Variants in IGFBP7 observed in about 807,000 individuals in gnomAD.
The protein encoded by IGFBP7 is insulin-like growth factor-binding protein 7.
IGFBP7 carries 31 observed loss-of-function variants against 29.4 expected under a neutral mutation model. The ratio of observed to expected loss-of-function variants is 1.05; its 90% confidence interval spans 0.79 to 1.42. The LOEUF is 1.42. IGFBP7 is among the 40% of genes most tolerant of loss of function. The pLI is 0.00. For missense variants in IGFBP7, 393 were observed against 395.5 expected (o/e 0.99, Z 0.05); for synonymous variants, 172 against 174.9 (o/e 0.98, Z 0.13).
intron 1 of IGFBP7, among the ~76,000 whole-genome samples, chr4:57,087,564 C>A (rs1725527301): frequency 6.6e-6 from 1 of 151,996 alleles, no homozygotes; most frequent in Non-Finnish European, 1.5e-5. Flanking sequence ...GAGGAGTGGA[C>A]CAGAGGTATA....
rs372159795 is a variant in IGFBP7 at position 57,073,040 on chromosome 4, A to G, written c.476-32107T>C. ...ACCCAACATTGATAGCTCGTTGAAC[A>G]GGCATGCTGCCAAGCTCTGGAAACC... is the stretch of plus-strand genomic sequence containing the variant. On this transcript the variant is annotated intron_variant, in intron 1 of 4. Transcript: ENST00000295666. The G allele has an allele frequency of 1.2e-4, 147 of 1,276,480 alleles. 1 individual carries two copies. In the African/African-American group the frequency reaches 1.9e-3, roughly 16 times the overall value. The allele number at this position is 1,276,480 out of a possible 1,614,324, so 79.1% of individuals were successfully genotyped here.
At chr4:57,056,373 T>C (rs1724674021) in intron 1 of IGFBP7, among the ~76,000 whole-genome samples, 1 of 152,098 alleles carries the variant, frequency 6.6e-6, no homozygotes, top group South Asian at 2.1e-4. Context: ...CTAGTTCTTC[T>C]CGTGTGTGTG....
At chr4:57,078,433 C>G (rs1725282252) in intron 1 of IGFBP7, among the ~76,000 whole-genome samples, 2 of 151,910 alleles carry the variant, frequency 1.3e-5, no homozygotes, top group African/African-American at 4.8e-5. Flanking sequence ...CACAAGTAAA[C>G]TACTTGGTGT....
chr4:57,034,073 T>C (rs1298654689), intron 2 of IGFBP7, among the ~76,000 whole-genome samples: 1 of 130,206 alleles, frequency 7.7e-6, no homozygotes, highest in Non-Finnish European at 1.6e-5. Flanking sequence ...AAAAAACAGC[T>C]GTCAAATACA....
intron 1 of IGFBP7, among the ~76,000 whole-genome samples, chr4:57,059,333 A>G (rs772442304): frequency 6.6e-6 from 1 of 152,222 alleles, no homozygotes; most frequent in Non-Finnish European, 1.5e-5. Flanking sequence ...TAGCAAAGAC[A>G]TGGGATCAAC....
intron 1 of IGFBP7, among the ~76,000 whole-genome samples, chr4:57,091,815 C>T (rs553634377): frequency 3.3e-5 from 5 of 152,294 alleles, no homozygotes; most frequent in African/African-American, 1.2e-4. Context: ...TGCCAGCCCT[C>T]TTAAGGACCC....
At chr4:57,062,239 C>A (rs564097260) in intron 1 of IGFBP7, among the ~76,000 whole-genome samples, 3 of 151,710 alleles carry the variant, frequency 2.0e-5, no homozygotes, top group Admixed American at 2.0e-4. Context: ...GAGGTGTTTG[C>A]GGAGAAGAAA....
chr4:57,032,209 A>G, intron 4 of IGFBP7: 1 of 1,272,028 alleles, frequency 7.9e-7, no homozygotes, highest in Non-Finnish European at 1.0e-6. Flanking sequence ...TAGATAAGGT[A>G]AAAGCATCTA....
At chr4:57,105,114 A>G (rs1320320566) in intron 1 of IGFBP7, among the ~76,000 whole-genome samples, 1 of 152,172 alleles carries the variant, frequency 6.6e-6, no homozygotes, top group Non-Finnish European at 1.5e-5. Context: ...ATAGTAGCCA[A>G]CTTGTTCTCC....
chr4:57,081,752 A>C (rs959960849), intron 1 of IGFBP7, among the ~76,000 whole-genome samples: 1 of 152,166 alleles, frequency 6.6e-6, no homozygotes, highest in Admixed American at 6.5e-5. Flanking sequence ...CCTTGATTTT[A>C]AAACAAAGCC....
intron 1 of IGFBP7, among the ~76,000 whole-genome samples, chr4:57,053,496 A>T (rs1049845482): frequency 2.0e-5 from 3 of 152,212 alleles, no homozygotes; most frequent in Non-Finnish European, 1.5e-5. Flanking sequence ...AAATCCATGA[A>T]GGACTTGAAA....
intron 1 of IGFBP7, among the ~76,000 whole-genome samples, chr4:57,046,214 C>G (rs1001335178): frequency 1.3e-5 from 2 of 152,028 alleles, no homozygotes; most frequent in Non-Finnish European, 2.9e-5. Flanking sequence ...CAATGCTGCA[C>G]TCTCCTCCCC....
At chr4:57,109,785 G>T in intron 1 of IGFBP7, 92 bp downstream of exon 1, 1 of 1,405,108 alleles carries the variant, frequency 7.1e-7, no homozygotes, top group Non-Finnish European at 9.4e-7. Flanking sequence ...GCAGTGAGCA[G>T]CGCGGGGCGA....
intron 1 of IGFBP7, among the ~76,000 whole-genome samples, chr4:57,058,495 G>T (rs1724725421): frequency 2.0e-5 from 3 of 152,094 alleles, no homozygotes; most frequent in African/African-American, 7.2e-5. Flanking sequence ...CAAGCAATGG[G>T]GAAAAGACTC....
Position 57,041,447 on chromosome 4 carries a change from A to G in IGFBP7, c.476-514T>C, listed in dbSNP as rs547556240. The stretch of plus-strand genomic sequence containing the variant: ...TCAAGAAGCTTAGGATCTAAGGTTG[A>G]AAAGGGTGATGAGGCAGGGAAGAAA... On this transcript the variant is annotated intron_variant, in intron 1 of 4. Coordinates refer to ENST00000295666, the MANE Select transcript of IGFBP7 (RefSeq NM_001553.3). Among the ~76,000 whole-genome samples, 6 of 152,250 alleles carry G rather than the reference A, an allele frequency of 3.9e-5. No homozygotes were observed. The South Asian group carries it at 1.2e-3, about 32-fold the overall frequency.
intron 1 of IGFBP7, among the ~76,000 whole-genome samples, chr4:57,044,382 C>T (rs1724309010): frequency 6.6e-6 from 1 of 152,156 alleles, no homozygotes; most frequent in Admixed American, 6.5e-5. Flanking sequence ...ATCAAGTTTT[C>T]TTTTCTGTGG....
At chr4:57,087,835 T>A (rs1725533414) in intron 1 of IGFBP7, among the ~76,000 whole-genome samples, 1 of 152,258 alleles carries the variant, frequency 6.6e-6, no homozygotes, top group Admixed American at 6.5e-5. Flanking sequence ...GATTAAGCAA[T>A]GTGCCAATGA....
At chr4:57,093,778 A>T (rs1725693251) in intron 1 of IGFBP7, among the ~76,000 whole-genome samples, 1 of 152,068 alleles carries the variant, frequency 6.6e-6, no homozygotes, top group Admixed American at 6.6e-5. Context: ...CATAAGATTC[A>T]CTCATCTGCA....
intron 1 of IGFBP7, among the ~76,000 whole-genome samples, chr4:57,066,067 CTGG>C (rs1460649844): frequency 3.9e-5 from 6 of 152,210 alleles, no homozygotes; most frequent in African/African-American, 1.4e-4. Flanking sequence ...ATCCACCCTT[CTGG>C]TGGCATGGGT....
Sources: gnomAD v4.1 joint callset for allele counts (sites outside exome capture counted in the v4.1 genomes callset) on GRCh38, gnomAD v4.1.1 for gene constraint, MANE v1.5 for transcripts, NCBI Gene and HGNC (gene_info 2026-07-23, HGNC 2026-07-21) for gene names.